Variants in HACD2 observed in about 807,000 individuals in gnomAD.
HACD2 encodes 3-hydroxyacyl-CoA dehydratase 2.
HACD2 carries 15 observed loss-of-function variants against 31.0 expected under a neutral mutation model. The ratio of observed to expected loss-of-function variants is 0.48; its 90% confidence interval spans 0.32 to 0.75. The LOEUF is 0.75. Ranked by LOEUF, HACD2 falls within the 30% of genes least tolerant of loss-of-function variation. The probability of loss-of-function intolerance (pLI) is 0.03; values close to 1 mark genes in which losing one functional copy is unlikely to be tolerated. For missense variants in HACD2, 283 were observed against 313.0 expected (o/e 0.90, Z 0.72); for synonymous variants, 115 against 122.2 (o/e 0.94, Z 0.39).
chr3:123,514,060 A>C (rs1364446256), intron 4 of HACD2, among the ~76,000 whole-genome samples: 1 of 152,176 alleles, frequency 6.6e-6, no homozygotes, highest in Non-Finnish European at 1.5e-5. Context: ...GGATTGCTTG[A>C]GCCCAGCAGT....
intron 4 of HACD2, chr3:123,502,934 C>A: frequency 2.5e-6 from 1 of 393,462 alleles, no homozygotes; most frequent in Non-Finnish European, 4.7e-6. Flanking sequence ...GGGTAACAAA[C>A]ACGAGGGGTG....
rs763203258 is a variant in HACD2, at chr3:123,557,118, A to T, written c.292+10644T>A. ...GTCCCCAGTCCCTGGGCTGCGCAGC[A>T]GGAGAGCAGCAGGTGAGTGAGTATC... On this transcript the variant is annotated intron_variant, in intron 3 of 6. Coordinates refer to ENST00000383657, the MANE Select transcript of HACD2 (RefSeq NM_198402.5). Among the ~76,000 whole-genome samples the T allele has an allele frequency of 1.3e-5, 2 of 152,254 alleles. 1 individual carries two copies. Among genetic ancestry groups the T allele is most frequent in the Non-Finnish European group, 2.9e-5 (2 of 68,034 alleles).
intron 3 of HACD2, among the ~76,000 whole-genome samples, chr3:123,532,353 G>T (rs976438069): frequency 1.3e-5 from 2 of 152,132 alleles, no homozygotes; most frequent in Non-Finnish European, 2.9e-5. Flanking sequence ...GCAAACAGCA[G>T]TTCAGGCCCT....
intron 6 of HACD2, among the ~76,000 whole-genome samples, chr3:123,497,377 G>A (rs1188690788): frequency 6.6e-6 from 1 of 152,200 alleles, no homozygotes; most frequent in African/African-American, 2.4e-5. Context: ...CGAGGGGGGT[G>A]TGGGTGCTGC....
At chr3:123,566,353 T>C (rs1467840192) in intron 3 of HACD2, among the ~76,000 whole-genome samples, 1 of 152,014 alleles carries the variant, frequency 6.6e-6, no homozygotes, top group East Asian at 2.0e-4. Context: ...GGTGTGATCG[T>C]GGCTCACTGA....
intron 4 of HACD2, among the ~76,000 whole-genome samples, chr3:123,511,280 G>T (rs1446886843): frequency 6.6e-6 from 1 of 152,082 alleles, no homozygotes; most frequent in Non-Finnish European, 1.5e-5. Context: ...TACAGAATTT[G>T]AACCCAAGGT....
At chr3:123,578,186 A>G (rs1318879402) in intron 2 of HACD2, among the ~76,000 whole-genome samples, 4 of 152,252 alleles carry the variant, frequency 2.6e-5, no homozygotes, top group Admixed American at 6.5e-5. Context: ...ATCCAGGCAT[A>G]TATCAGTAAT....
At chr3:123,521,358 C>G (rs2056212136) in intron 4 of HACD2, among the ~76,000 whole-genome samples, 1 of 152,084 alleles carries the variant, frequency 6.6e-6, no homozygotes, top group African/African-American at 2.4e-5. Flanking sequence ...CTGGTGTCTG[C>G]CAGGACAGTC....
chr3:123,543,562 A>G (rs568308349), intron 3 of HACD2: 28 of 237,384 alleles, frequency 1.2e-4, no homozygotes, highest in African/African-American at 6.0e-4. Context: ...TAGCTTTTGC[A>G]TTTTATACCA....
At chr3:123,497,367 C>T (rs77014273) in intron 6 of HACD2, among the ~76,000 whole-genome samples, 4,623 of 152,172 alleles carry the variant, frequency 0.03, 81 homozygotes, top group Middle Eastern at 0.088. Flanking sequence ...GTGTTGGGGA[C>T]GAGGGGGGTG....
At chr3:123,575,788 A>G (rs919652954) in intron 2 of HACD2, among the ~76,000 whole-genome samples, 1 of 152,102 alleles carries the variant, frequency 6.6e-6, no homozygotes, top group East Asian at 1.9e-4. Flanking sequence ...GTTTTTAACT[A>G]TTACATTTTA....
intron 4 of HACD2, among the ~76,000 whole-genome samples, chr3:123,515,538 C>CTGGTTG (rs1319125276): frequency 6.6e-6 from 1 of 152,130 alleles, no homozygotes; most frequent in East Asian, 1.9e-4. Context: ...AGTGCTGGTG[C>CTGGTTG]TGGTTGGTCC....
intron 3 of HACD2, among the ~76,000 whole-genome samples, chr3:123,560,531 C>T (rs953724849): frequency 6.6e-6 from 1 of 152,164 alleles, no homozygotes; most frequent in Non-Finnish European, 1.5e-5. Flanking sequence ...CTTTCTCCCC[C>T]ATCCCCCTGC....
In HACD2 at chr3:123,561,778, GA is replaced by G. The variant is rs374502470; in HGVS notation, c.292+5983del. Among the ~76,000 whole-genome samples, 705 of 145,268 alleles carry G rather than the reference GA, an allele frequency of 4.9e-3. 5 individuals carry two copies. The highest frequency in any genetic ancestry group is 0.017 in the African/African-American group (666 of 39,332). ...CACAACTCTTCTTTGCAGTATTACGGAAAAAAAAAAAAACATATCTCAGGGT... is the reference window on the plus strand; with the variant it reads ...CACAACTCTTCTTTGCAGTATTACGGAAAAAAAAAAAACATATCTCAGGGT... On this transcript the variant is annotated intron_variant, in intron 3 of 6. Coordinates refer to ENST00000383657, the MANE Select transcript of HACD2 (RefSeq NM_198402.5).
chr3:123,499,931 T>C (rs1157574497), intron 6 of HACD2, among the ~76,000 whole-genome samples: 1 of 152,206 alleles, frequency 6.6e-6, no homozygotes, highest in Non-Finnish European at 1.5e-5. Context: ...ATTATCCATA[T>C]ACTTAAATCT....
chr3:123,571,018 T>A (rs1038341311), intron 2 of HACD2, among the ~76,000 whole-genome samples: 10 of 151,902 alleles, frequency 6.6e-5, no homozygotes, highest in Admixed American at 2.6e-4. Flanking sequence ...CTACATATCA[T>A]GTGTCTCCAA....
intron 3 of HACD2, among the ~76,000 whole-genome samples, chr3:123,530,594 A>G (rs527714063): frequency 1.3e-5 from 2 of 151,994 alleles, no homozygotes; most frequent in East Asian, 1.9e-4. Context: ...TTTTTAGTAG[A>G]GATGGGGTTT....
chr3:123,529,515 A>G (rs2056326090), intron 3 of HACD2, among the ~76,000 whole-genome samples: 1 of 152,206 alleles, frequency 6.6e-6, no homozygotes, highest in Non-Finnish European at 1.5e-5. Context: ...GCTTGAGTCC[A>G]GGAGTTCTAG....
At chr3:123,517,172 C>T (rs2056148800) in intron 4 of HACD2, among the ~76,000 whole-genome samples, 1 of 152,176 alleles carries the variant, frequency 6.6e-6, no homozygotes, top group Non-Finnish European at 1.5e-5. Context: ...GTCTCTTAGG[C>T]TTAATTACAA....
Sources: allele counts gnomAD v4.1 joint callset (sites outside exome capture counted in the v4.1 genomes callset), GRCh38; gene constraint gnomAD v4.1.1; transcripts MANE v1.5; gene names NCBI Gene and HGNC (gene_info 2026-07-23, HGNC 2026-07-21).